The following PDZD8 variants were observed in gnomAD, a reference collection of about 807,000 sequenced individuals.
PDZD8 encodes PDZ domain-containing protein 8.
A neutral mutation model predicts 85.8 loss-of-function variants in PDZD8; 14 were observed. The observed-to-expected ratio is 0.16, with a 90% CI of 0.11 to 0.26. PDZD8 has a LOEUF of 0.26. Among genes scored for constraint, PDZD8 ranks in the 10% least tolerant of loss-of-function variants. The probability of loss-of-function intolerance (pLI) is 1.00; values close to 1 mark genes in which losing one functional copy is unlikely to be tolerated. For missense variants in PDZD8, 1,197 were observed against 1,424.3 expected, an observed-to-expected ratio of 0.84 and a Z score of 2.57; for synonymous variants, 592 against 568.6, an observed-to-expected ratio of 1.04 and a Z score of -0.59.
chr10:117,340,003 T>C (rs1844582806), intron 2 of PDZD8, among the ~76,000 whole-genome samples: 1 of 152,172 alleles, frequency 6.6e-6, no homozygotes, highest in Non-Finnish European at 1.5e-5. Context: ...TTGGTTGTTA[T>C]ATTGGGGACC....
intron 1 of PDZD8, among the ~76,000 whole-genome samples, chr10:117,351,871 G>T (rs1844811307): frequency 6.6e-6 from 1 of 151,962 alleles, no homozygotes. Context: ...TAGAGGTGAG[G>T]TCTTGCTATA....
intron 3 of PDZD8, 141 bp downstream of exon 3, chr10:117,318,731 G>A (rs904561254): frequency 1.7e-6 from 1 of 575,958 alleles, no homozygotes; most frequent in Non-Finnish European, 3.0e-6. Context: ...TAGTTGTATT[G>A]TAACGAGACA....
At chr10:117,337,316 A>G (rs1844533045) in intron 2 of PDZD8, among the ~76,000 whole-genome samples, 1 of 152,216 alleles carries the variant, frequency 6.6e-6, no homozygotes, top group Admixed American at 6.5e-5. Flanking sequence ...ATCTGATTGC[A>G]ACACTAATGT....
intron 1 of PDZD8, among the ~76,000 whole-genome samples, chr10:117,358,054 A>ATGAC (rs1844931656): frequency 6.6e-6 from 1 of 152,108 alleles, no homozygotes; most frequent in Admixed American, 6.5e-5. Flanking sequence ...GTGACAGATC[A>ATGAC]TGACTGTTCA....
Position 117,283,540 on chromosome 10 carries a change from T to C in PDZD8, c.3193A>G (p.Thr1065Ala), listed in dbSNP as rs1387927891. The C allele has an allele frequency of 2.5e-6, 4 of 1,614,108 alleles. No individual in the cohort carries two copies. The highest frequency in any genetic ancestry group is 1.1e-5 in the South Asian group (1 of 91,090). Reference sequence around the variant, plus strand: ...AGAAGTGATTTTTTCCTTGTATCAGTTGTCTCTTTTTCTTCTCTAACAAGG... The same window carrying C: ...AGAAGTGATTTTTTCCTTGTATCAGCTGTCTCTTTTTCTTCTCTAACAAGG... Reference protein sequence around the residue: ...NSLVREEKETTDTRKKSLLSA... With the variant: ...NSLVREEKETADTRKKSLLSA... Residue 1065 changes from threonine to alanine, a missense_variant, in exon 5 of 5, where the codon ACT becomes GCT. Thr to Ala is a moderately conservative substitution (Grantham distance 58, BLOSUM62 0). This residue lies in a region of PDZD8 where 418 missense variants were observed against 571.1 expected (regional missense o/e 0.73). Transcript: ENST00000334464.
At chr10:117,298,614 G>C (rs912047383) in intron 3 of PDZD8, among the ~76,000 whole-genome samples, 1 of 151,952 alleles carries the variant, frequency 6.6e-6, no homozygotes, top group Non-Finnish European at 1.5e-5. Flanking sequence ...ATATATATCT[G>C]ATATCAGGAC....
At chr10:117,326,108 G>A (rs541372572) in intron 2 of PDZD8, among the ~76,000 whole-genome samples, 1 of 152,290 alleles carries the variant, frequency 6.6e-6, no homozygotes, top group African/African-American at 2.4e-5. Flanking sequence ...CAGCCATGCA[G>A]AACTGTGAGT....
chr10:117,319,936 T>C (rs1372441000), intron 2 of PDZD8, among the ~76,000 whole-genome samples: 1 of 151,914 alleles, frequency 6.6e-6, no homozygotes, highest in Non-Finnish European at 1.5e-5. Flanking sequence ...AAAAGGTGGA[T>C]AAAACACATT....
chr10:117,374,213 G>T lies in PDZD8; in HGVS notation c.872+143C>A. On this transcript the variant is annotated intron_variant, in intron 1 of 4. Transcript: ENST00000334464. The surrounding 1 kb of genome is among the most constrained non-coding windows in gnomAD (Gnocchi z 7.8). ...AAAGCAAGTGTTCACGACTCGCCTT[G>T]ATCTGGGGCCCTGTCCAGGGTGGGA... 7.6e-7 allele frequency: 1 copy of T among 1,311,184 alleles called. No homozygotes were observed. The highest frequency in any genetic ancestry group is 1.0e-6 in the Non-Finnish European group (1 of 972,106). The allele number at this position is 1,311,184 out of a possible 1,614,324, so 81.2% of individuals were successfully genotyped here.
At chr10:117,297,119 G>A (rs1843770971) in intron 3 of PDZD8, among the ~76,000 whole-genome samples, 1 of 151,998 alleles carries the variant, frequency 6.6e-6, no homozygotes, top group Non-Finnish European at 1.5e-5. Context: ...CAAAAGATTT[G>A]AACAGATACT....
At chr10:117,291,503 C>A (rs905206485) in intron 3 of PDZD8, among the ~76,000 whole-genome samples, 1 of 144,598 alleles carries the variant, frequency 6.9e-6, no homozygotes, top group African/African-American at 2.6e-5. Context: ...CACTCCAGCC[C>A]GGGCAACAAA....
intron 4 of PDZD8, among the ~76,000 whole-genome samples, chr10:117,288,684 T>C (rs1036783283): frequency 2.0e-5 from 3 of 152,102 alleles, no homozygotes; most frequent in Non-Finnish European, 4.4e-5. Flanking sequence ...AATTTTCATA[T>C]TTTCAGTAGA....
chr10:117,319,735 T>C (rs73407929), intron 2 of PDZD8, among the ~76,000 whole-genome samples: 3,347 of 152,176 alleles, frequency 0.022, 128 homozygotes, highest in African/African-American at 0.076. Flanking sequence ...TATAATATAG[T>C]TTTTATTGCT....
chr10:117,346,301 A>G (rs555868537), intron 1 of PDZD8, among the ~76,000 whole-genome samples: 4 of 152,092 alleles, frequency 2.6e-5, no homozygotes, highest in African/African-American at 9.6e-5. Context: ...CATACCAATA[A>G]AGAGACAGGA....
intron 2 of PDZD8, among the ~76,000 whole-genome samples, chr10:117,326,988 T>C (rs543589292): frequency 2.6e-5 from 4 of 152,332 alleles, no homozygotes; most frequent in Admixed American, 2.6e-4. Context: ...TTAGGGAACA[T>C]ACTCCAAACT....
chr10:117,287,564 A>T (rs1844686940), intron 4 of PDZD8, among the ~76,000 whole-genome samples: 1 of 151,938 alleles, frequency 6.6e-6, no homozygotes, highest in Admixed American at 6.6e-5. Context: ...TCAACTTGCC[A>T]CTCCCAGTTA....
At chr10:117,327,217 T>C (rs1043274701) in intron 2 of PDZD8, among the ~76,000 whole-genome samples, 10 of 152,166 alleles carry the variant, frequency 6.6e-5, no homozygotes, top group African/African-American at 2.4e-4. Flanking sequence ...GTAGCACTAA[T>C]GCCCTAAGTT....
chr10:117,350,339 A>G (rs1420879713), intron 1 of PDZD8, among the ~76,000 whole-genome samples: 2 of 147,464 alleles, frequency 1.4e-5, no homozygotes, highest in Non-Finnish European at 3.0e-5. Context: ...ATCTTAGCTC[A>G]CTGCAACTTC....
chr10:117,287,896 T>C (rs962045935), intron 4 of PDZD8, among the ~76,000 whole-genome samples: 1 of 152,236 alleles, frequency 6.6e-6, no homozygotes, highest in Admixed American at 6.5e-5. Context: ...CCATACTATG[T>C]CTCAGCAAAA....
Sources: allele counts gnomAD v4.1 joint callset (sites outside exome capture counted in the v4.1 genomes callset), GRCh38; gene constraint gnomAD v4.1.1; regional missense constraint gnomAD v4.1.1; non-coding constraint Gnocchi (gnomAD v3.1); transcripts MANE v1.5; gene names NCBI Gene and HGNC (gene_info 2026-07-23, HGNC 2026-07-21).